The following PDE1C variants were observed in gnomAD, a reference collection of about 807,000 sequenced individuals.
PDE1C encodes dual specificity calcium/calmodulin-dependent 3',5'-cyclic nucleotide phosphodiesterase 1C.
Under a neutral mutation model 93.1 loss-of-function variants are expected in PDE1C, and 62 were observed. The observed-to-expected ratio is 0.67, with a 90% CI of 0.54 to 0.82. PDE1C has a LOEUF of 0.82. Among genes scored for constraint, PDE1C ranks in the 40% least tolerant of loss-of-function variants. The probability of loss-of-function intolerance (pLI) is 0.00; values close to 1 mark genes in which losing one functional copy is unlikely to be tolerated. For synonymous variants in PDE1C, 325 were observed against 310.1 expected (o/e 1.05, Z -0.50); for missense variants, 742 against 884.6 (o/e 0.84, Z 2.04).
the PDE1C span, among the ~76,000 whole-genome samples, chr7:31,730,802 C>T: frequency 6.6e-6 from 1 of 151,686 alleles, no homozygotes; most frequent in Non-Finnish European, 1.5e-5. Flanking sequence ...CGGGTTTCTT[C>T]TGCTTGGAAG....
At chr7:32,082,192 G>A (rs1310554305) in intron 3 of PDE1C, among the ~76,000 whole-genome samples, 8 of 152,258 alleles carry the variant, frequency 5.3e-5, no homozygotes, top group African/African-American at 1.2e-4. Flanking sequence ...CTTAAAAAAC[G>A]GTGCACCAGG....
At chr7:32,377,078 T>G (rs1182889038) in intron 1 of PDE1C, among the ~76,000 whole-genome samples, 1 of 152,110 alleles carries the variant, frequency 6.6e-6, no homozygotes, top group Non-Finnish European at 1.5e-5. Context: ...TGTTCTCTGC[T>G]GTAGCCATTC....
At chr7:31,627,261 T>G in the PDE1C span, among the ~76,000 whole-genome samples, 1 of 152,286 alleles carries the variant, frequency 6.6e-6, no homozygotes, top group African/African-American at 2.4e-5. Flanking sequence ...CATCAAATAA[T>G]TTTATCAAAA....
At chr7:32,426,442 G>A (rs767464201) in intron 1 of PDE1C, among the ~76,000 whole-genome samples, 12 of 151,958 alleles carry the variant, frequency 7.9e-5, no homozygotes, top group Non-Finnish European at 1.8e-4. Context: ...CCCAGCCAGT[G>A]TTTTGAGTTT....
intron 16 of PDE1C, among the ~76,000 whole-genome samples, chr7:31,794,290 C>T (rs549685786): frequency 1.3e-5 from 2 of 152,086 alleles, no homozygotes; most frequent in Non-Finnish European, 2.9e-5. Context: ...TAATTGCGGT[C>T]TTTACCATTA....
At chr7:32,371,792 A>G (rs371327859) in intron 1 of PDE1C, among the ~76,000 whole-genome samples, 1 of 152,230 alleles carries the variant, frequency 6.6e-6, no homozygotes, top group South Asian at 2.1e-4. Context: ...TTCAATCCCT[A>G]TCAAAATCTT....
chr7:32,201,092 C>T (rs1039131933), intron 2 of PDE1C, among the ~76,000 whole-genome samples: 1 of 152,212 alleles, frequency 6.6e-6, no homozygotes, highest in Non-Finnish European at 1.5e-5. Flanking sequence ...AACAGCTTAC[C>T]GTACTGATAT....
the PDE1C span, among the ~76,000 whole-genome samples, chr7:31,625,220 C>A: frequency 1.3e-5 from 2 of 152,038 alleles, no homozygotes; most frequent in Non-Finnish European, 2.9e-5. Flanking sequence ...TGTGGCGATT[C>A]CTCAGGGATC....
At position 31,860,931 on chromosome 7, in the gene PDE1C, TG is replaced by T. The variant is rs573087945; in HGVS notation, c.750+4010del. ...ATTCTCTTTTTTCTAAATAAATAACTGTAGCCAAAACATTTTTTAAACTGGG... is the reference window on the plus strand; with the variant it reads ...ATTCTCTTTTTTCTAAATAAATAACTTAGCCAAAACATTTTTTAAACTGGG... On this transcript the variant is annotated intron_variant, in intron 7 of 17. Coordinates refer to ENST00000396191, the MANE Select transcript of PDE1C (RefSeq NM_001191057.4). 1.7e-3 allele frequency among the ~76,000 whole-genome samples: 257 copies of T among 152,288 alleles called. 1 individual carries two copies. The highest frequency in any genetic ancestry group is 3.4e-3 in the Middle Eastern group (1 of 294).
chr7:31,748,320 A>G (rs1421334723), downstream of PDE1C, among the ~76,000 whole-genome samples: 1 of 149,426 alleles, frequency 6.7e-6, no homozygotes, highest in African/African-American at 2.5e-5. Context: ...GTGAGTCATA[A>G]GAGATGCTGC....
At chr7:31,985,528 T>C (rs1783268005) in intron 2 of PDE1C, among the ~76,000 whole-genome samples, 1 of 152,164 alleles carries the variant, frequency 6.6e-6, no homozygotes, top group Non-Finnish European at 1.5e-5. Flanking sequence ...ACCCATCAAC[T>C]CGTCATTTAC....
At chr7:31,973,010 T>G (rs1811172510) in intron 2 of PDE1C, among the ~76,000 whole-genome samples, 2 of 152,142 alleles carry the variant, frequency 1.3e-5, no homozygotes, top group South Asian at 4.1e-4. Flanking sequence ...GAAAATAGTT[T>G]CTGCTCCTGC....
At chr7:32,344,822 T>A (rs1473223902) in intron 1 of PDE1C, among the ~76,000 whole-genome samples, 1 of 152,206 alleles carries the variant, frequency 6.6e-6, no homozygotes, top group Non-Finnish European at 1.5e-5. Context: ...GTTCTATTGA[T>A]GCATCCACAA....
At chr7:32,120,320 T>G (rs958310611) in intron 3 of PDE1C, among the ~76,000 whole-genome samples, 2 of 152,212 alleles carry the variant, frequency 1.3e-5, no homozygotes, top group African/African-American at 2.4e-5. Context: ...TTGGTAGTTC[T>G]GAGGAATCTG....
intron 2 of PDE1C, among the ~76,000 whole-genome samples, chr7:31,993,218 T>C (rs1379339614): frequency 1.3e-5 from 2 of 152,220 alleles, no homozygotes; most frequent in Admixed American, 1.3e-4. Flanking sequence ...TTCCTCCCTA[T>C]TTGATCATAA....
intron 14 of PDE1C, among the ~76,000 whole-genome samples, chr7:31,818,592 T>C (rs1457194652): frequency 6.6e-6 from 1 of 152,144 alleles, no homozygotes; most frequent in Admixed American, 6.6e-5. Flanking sequence ...ATACAGAAAG[T>C]ATATAAACTC....
At chr7:32,177,029 C>G (rs1803044164) in intron 2 of PDE1C, among the ~76,000 whole-genome samples, 1 of 152,074 alleles carries the variant, frequency 6.6e-6, no homozygotes, top group Non-Finnish European at 1.5e-5. Flanking sequence ...AGTAAAAAAA[C>G]TTTAAGGCAA....
intron 2 of PDE1C, among the ~76,000 whole-genome samples, chr7:31,958,246 G>A (rs1420292175): frequency 6.6e-6 from 1 of 152,024 alleles, no homozygotes; most frequent in Non-Finnish European, 1.5e-5. Flanking sequence ...TGACCCTAAT[G>A]AGCCTCCAAC....
At chr7:32,417,201 G>A (rs1423513431) in intron 1 of PDE1C, among the ~76,000 whole-genome samples, 1 of 152,002 alleles carries the variant, frequency 6.6e-6, no homozygotes, top group Non-Finnish European at 1.5e-5. Context: ...AAAGCTGGGT[G>A]CTCAGGGCAC....
Sources: allele counts gnomAD v4.1 joint callset (sites outside exome capture counted in the v4.1 genomes callset), GRCh38; gene constraint gnomAD v4.1.1; transcripts MANE v1.5; gene names NCBI Gene and HGNC (gene_info 2026-07-23, HGNC 2026-07-21).